The following SCFD2 variants were observed in gnomAD, a reference collection of about 807,000 sequenced individuals.
The protein encoded by SCFD2 is sec1 family domain containing 2.
Under a neutral mutation model 58.9 loss-of-function variants are expected in SCFD2, and 54 were observed. The observed-to-expected ratio is 0.92, with a 90% CI of 0.74 to 1.15. The LOEUF is 1.15. Among genes scored for constraint, SCFD2 ranks in the 50% most tolerant of loss-of-function variants. SCFD2 has a pLI of 0.00. For missense variants in SCFD2, 805 were observed against 836.6 expected (o/e 0.96, Z 0.47); for synonymous variants, 321 against 335.9 (o/e 0.96, Z 0.49).
chr4:53,315,322 A>G (rs1338110547), intron 2 of SCFD2, among the ~76,000 whole-genome samples: 2 of 151,968 alleles, frequency 1.3e-5, no homozygotes, highest in Non-Finnish European at 2.9e-5. Context: ...GACATTTCAG[A>G]ATGCAAAAAA....
At chr4:53,093,209 GGGTTTATACCA>G (rs1724521940) in intron 5 of SCFD2, among the ~76,000 whole-genome samples, 2 of 152,132 alleles carry the variant, frequency 1.3e-5, no homozygotes, top group South Asian at 4.1e-4. Context: ...TTGGAGCACA[GGGTTTATACCA>G]GTGCCCAAAA....
chr4:53,090,659 T>C (rs1246696113), intron 5 of SCFD2, among the ~76,000 whole-genome samples: 2 of 152,120 alleles, frequency 1.3e-5, no homozygotes, highest in African/African-American at 2.4e-5. Flanking sequence ...CATTCACTTA[T>C]TCAACAAATA....
At chr4:53,035,549 T>C (rs940534856) in intron 5 of SCFD2, among the ~76,000 whole-genome samples, 5 of 152,106 alleles carry the variant, frequency 3.3e-5, no homozygotes, top group Admixed American at 2.0e-4. Context: ...ACCTACACAA[T>C]GGGAGAAAAT....
At chr4:52,981,702 C>T (rs527874800) in intron 5 of SCFD2, among the ~76,000 whole-genome samples, 5 of 151,924 alleles carry the variant, frequency 3.3e-5, no homozygotes, top group Non-Finnish European at 7.4e-5. Flanking sequence ...GGCCCCGAGT[C>T]AAAAAGAATT....
chr4:53,225,400 T>C (rs1729181406), intron 4 of SCFD2, among the ~76,000 whole-genome samples: 1 of 152,238 alleles, frequency 6.6e-6, no homozygotes, highest in Non-Finnish European at 1.5e-5. Context: ...TATTTCCTCA[T>C]CTGTAAAATG....
intron 5 of SCFD2, among the ~76,000 whole-genome samples, chr4:53,094,236 G>A (rs1177031628): frequency 6.6e-6 from 1 of 152,114 alleles, no homozygotes; most frequent in Non-Finnish European, 1.5e-5. Context: ...TATGTGGCTT[G>A]TATTAGTTTG....
chr4:52,899,684 T>G (rs937942354), intron 7 of SCFD2, among the ~76,000 whole-genome samples: 1 of 152,250 alleles, frequency 6.6e-6, no homozygotes, highest in Non-Finnish European at 1.5e-5. Context: ...TTCCTGAATT[T>G]GAATGTTGGC....
chr4:53,045,218 T>C (rs947191188), intron 5 of SCFD2, among the ~76,000 whole-genome samples: 2 of 152,198 alleles, frequency 1.3e-5, no homozygotes, highest in African/African-American at 4.8e-5. Flanking sequence ...GTTTTACTAA[T>C]ATTGTTGCTT....
chr4:53,074,361 A>G (rs1015523592), intron 5 of SCFD2, among the ~76,000 whole-genome samples: 2 of 152,026 alleles, frequency 1.3e-5, no homozygotes, highest in Non-Finnish European at 2.9e-5. Context: ...GAAGTCTTGA[A>G]CCCTTCAAAG....
chr4:53,030,925 A>G (rs1722601005), intron 5 of SCFD2, among the ~76,000 whole-genome samples: 3 of 152,246 alleles, frequency 2.0e-5, no homozygotes, highest in Admixed American at 1.3e-4. Flanking sequence ...TGGTACTCCC[A>G]CACAGCAGAA....
At chr4:53,228,738 C>G (rs1477283640) in intron 4 of SCFD2, among the ~76,000 whole-genome samples, 2 of 152,098 alleles carry the variant, frequency 1.3e-5, no homozygotes, top group Non-Finnish European at 2.9e-5. Context: ...TCTCACCACT[C>G]CTATTCAACA....
At chr4:53,217,431 T>TAA (rs547109995) in intron 4 of SCFD2, among the ~76,000 whole-genome samples, 54 of 152,352 alleles carry the variant, frequency 3.5e-4, no homozygotes, top group Middle Eastern at 3.4e-3. Flanking sequence ...TTTGTTGGCT[T>TAA]AAAGTCTGTT....
intron 3 of SCFD2, among the ~76,000 whole-genome samples, chr4:53,309,414 T>TC (rs1043129511): frequency 6.6e-6 from 1 of 152,182 alleles, no homozygotes; most frequent in Non-Finnish European, 1.5e-5. Context: ...TTAAGAAGTA[T>TC]CACCTTGTAG....
chr4:52,897,435 T>C (rs1003629562), intron 7 of SCFD2, among the ~76,000 whole-genome samples: 1 of 152,198 alleles, frequency 6.6e-6, no homozygotes, highest in Non-Finnish European at 1.5e-5. Flanking sequence ...TTGTCTTTGG[T>C]TCTGTTTATA....
At chr4:53,087,728 C>T (rs558820916) in intron 5 of SCFD2, among the ~76,000 whole-genome samples, 75 of 145,198 alleles carry the variant, frequency 5.2e-4, no homozygotes, top group African/African-American at 1.9e-3. Flanking sequence ...GGCATGATCT[C>T]GGCTCACTGC....
In SCFD2 at chr4:52,907,526, G is replaced by A. The variant is rs558033900; in HGVS notation, c.1773C>T (p.Ser591=). 14 of 1,613,908 alleles carry A rather than the reference G, an allele frequency of 8.7e-6. No homozygotes were observed. In the African/African-American group the frequency reaches 9.3e-5, roughly 11 times the overall value. Residue 591 remains serine (S), a synonymous_variant, in exon 7 of 9, where the codon TCC becomes TCT. Transcript: ENST00000401642. ...EEIFHPERPD[S]VDIEHMSSGL... Reference sequence around the variant, plus strand: ...CTGAAGACATGTGTTCAATATCAACGGAATCTGGCCTCTCGGGATGAAATA... The same window carrying A: ...CTGAAGACATGTGTTCAATATCAACAGAATCTGGCCTCTCGGGATGAAATA...
At chr4:53,030,041 A>T (rs180920190) in intron 5 of SCFD2, among the ~76,000 whole-genome samples, 12 of 152,222 alleles carry the variant, frequency 7.9e-5, no homozygotes, top group Admixed American at 3.9e-4. Context: ...GAACAAAATG[A>T]AAAACACAGT....
At chr4:53,319,557 G>T (rs1276495138) in intron 2 of SCFD2, among the ~76,000 whole-genome samples, 2 of 138,142 alleles carry the variant, frequency 1.4e-5, no homozygotes, top group Admixed American at 7.4e-5. Flanking sequence ...TTTTTAGAAG[G>T]AGTCTCGCTC....
Position 53,348,697 on chromosome 4 carries a change from T to A in SCFD2, c.1007+3901A>T, listed in dbSNP as rs78058238. Among the ~76,000 whole-genome samples the A allele has an allele frequency of 6.1e-4, 93 of 151,888 alleles. 1 individual carries two copies. The East Asian group carries it at 0.016, about 27-fold the overall frequency. ...CTTTATTTATATCCCTCTAGACTCA[T>A]CTTTGACACTTATGACCATATTTTT... On this transcript the variant is annotated intron_variant, in intron 2 of 8. Transcript: ENST00000401642.
Sources: gnomAD v4.1 joint callset for allele counts (sites outside exome capture counted in the v4.1 genomes callset) on GRCh38, gnomAD v4.1.1 for gene constraint, MANE v1.5 for transcripts, NCBI Gene and HGNC (gene_info 2026-07-23, HGNC 2026-07-21) for gene names.